Variants in OR5T1 observed in about 807,000 individuals in gnomAD.
The protein encoded by OR5T1 is olfactory receptor family 5 subfamily T member 1, also known as olfactory receptor 5T1.
Under a neutral mutation model 10.1 loss-of-function variants are expected in OR5T1, and 14 were observed. The ratio of observed to expected loss-of-function variants is 1.39; its 90% CI spans 0.92 to 2.18. The LOEUF (loss-of-function observed/expected upper bound fraction) is 2.18, where lower values mean the gene tolerates loss of function less well. Among genes scored for constraint, OR5T1 ranks in the 30% most tolerant of loss-of-function variants. The pLI, the probability that OR5T1 is intolerant of heterozygous loss-of-function variation, is 0.00. For missense variants in OR5T1, 461 were observed against 383.9 expected (o/e 1.20, Z -1.68); for synonymous variants, 166 against 141.2 (o/e 1.18, Z -1.24).
At position 56,276,584 on chromosome 11, in the gene OR5T1, T is replaced by C; in HGVS notation, c.946T>C (p.Leu316=). The change falls in exon 3 of 3, where the codon TTG becomes CTG. Residue 316 remains leucine (L), a synonymous_variant. Transcript: ENST00000641665. ...AGATGTAAAGGAGGCAATCAAAAGA[T>C]TGCTTGTGAGAAATTGGTTCATAAA... ...NKDVKEAIKR[L]LVRNWFINKL is the part of the protein sequence containing the mutation. 2 of 1,610,932 alleles carry C rather than the reference T, an allele frequency of 1.2e-6. No homozygotes were observed. The highest frequency in any genetic ancestry group is 1.7e-6 in the Non-Finnish European group (2 of 1,178,696).
Position 56,276,751 on chromosome 11 carries a change from A to AAATATTT in OR5T1, c.*132_*133insAATATTT. 1.5e-6 allele frequency: 1 copy of AAATATTT among 651,454 alleles called. No homozygotes were observed. The highest frequency in any genetic ancestry group is 2.7e-5 in the East Asian group (1 of 36,680). The allele number at this position is 651,454 out of a possible 1,614,324, so 40.4% of individuals were successfully genotyped here. ...CTTCTAGAATATTTTCAAATAAAGC[A>AAATATTT]TCAATCAGCCTACTAATTCACCATT... On this transcript the variant is annotated 3_prime_UTR_variant, in exon 3 of 3. Coordinates refer to ENST00000641665, the MANE Select transcript of OR5T1 (RefSeq NM_001004745.2).
At position 56,275,897 on chromosome 11, in the gene OR5T1, A is replaced by G. The variant is rs1243846581; in HGVS notation, c.259A>G (p.Thr87Ala). Residue 87 changes from threonine (T) to alanine (A), a missense_variant, in exon 3 of 3, where the codon ACA becomes GCA. Coordinates refer to ENST00000641665, the MANE Select transcript of OR5T1 (RefSeq NM_001004745.2). ...ATCATTCTTGGATGTCTGCTATTCTACAGTTGTCACTCCAAAAATGTTGGT... is the reference window on the plus strand; with the variant it reads ...ATCATTCTTGGATGTCTGCTATTCTGCAGTTGTCACTCCAAAAATGTTGGT... ...VLSFLDVCYS[T>A]VVTPKMLVNF... 1 of 1,614,096 alleles carries G rather than the reference A, an allele frequency of 6.2e-7. No homozygotes were observed. Among genetic ancestry groups the G allele is most frequent in the Non-Finnish European group, 8.5e-7 (1 of 1,180,026 alleles).
rs1853925729 is a variant in OR5T1 at position 56,275,535 on chromosome 11, C to G, written c.-104C>G. The stretch of plus-strand genomic sequence containing the variant: ...TTATCACCACCTGTGCATTTGCTGA[C>G]AAGGATTTCATCTTGCTTTTCCAAG... On this transcript the variant is annotated 5_prime_UTR_variant, in exon 3 of 3. Coordinates refer to ENST00000641665, the MANE Select transcript of OR5T1 (RefSeq NM_001004745.2). The G allele has an allele frequency of 2.2e-6, 2 of 890,244 alleles. No homozygotes were observed. The highest frequency in any genetic ancestry group is 3.4e-5 in the African/African-American group (2 of 59,282). 55.1% of individuals were successfully genotyped at this position (890,244 alleles called of 1,614,324 possible).
In OR5T1 at chr11:56,276,338, C is replaced by A. The variant is rs766718470; in HGVS notation, c.700C>A (p.Leu234Met). The change falls in exon 3 of 3, where the codon CTG (leucine) becomes ATG (methionine). Residue 234 changes from leucine (L) to methionine (M), a missense_variant. Leu to Met is a conservative substitution (Grantham distance 15, BLOSUM62 2). Transcript: ENST00000641665. Reference protein sequence around the residue: ...LIVLISYGFILLAILKMQSAE... With the variant: ...LIVLISYGFIMLAILKMQSAE... ...TGTCCTGATCTCCTATGGTTTTATT[C>A]TGTTGGCCATTCTGAAGATGCAGTC... The A allele has an allele frequency of 1.2e-6, 2 of 1,614,040 alleles. No homozygotes were observed. The highest frequency in any genetic ancestry group is 1.7e-6 in the Non-Finnish European group (2 of 1,179,996).
chr11:56,275,860 T>C lies in OR5T1; in HGVS notation c.222T>C (p.Phe74=). 6.2e-7 allele frequency: 1 copy of C among 1,614,202 alleles called. No individual in the cohort carries two copies. Among genetic ancestry groups the C allele is most frequent in the Non-Finnish European group, 8.5e-7 (1 of 1,180,016 alleles). The change falls in exon 3 of 3, where the codon TTT becomes TTC. Residue 74 remains phenylalanine (F), a synonymous_variant. Transcript: ENST00000641665. ...GGCTTCACAGCCCAATGTACTATTT[T>C]CTTGGTGTTTTATCATTCTTGGATG... The part of the protein sequence containing the change: ...DFWLHSPMYY[F]LGVLSFLDVC...
Position 56,275,898 on chromosome 11 carries a change from C to T in OR5T1, c.260C>T (p.Thr87Ile), listed in dbSNP as rs1027539632. The T allele has an allele frequency of 4.3e-6, 7 of 1,614,184 alleles. No homozygotes were observed. The highest frequency in any genetic ancestry group is 1.3e-5 in the African/African-American group (1 of 75,066). ...TCATTCTTGGATGTCTGCTATTCTACAGTTGTCACTCCAAAAATGTTGGTC... is the reference window on the plus strand; with the variant it reads ...TCATTCTTGGATGTCTGCTATTCTATAGTTGTCACTCCAAAAATGTTGGTC... Reference protein sequence around the residue: ...VLSFLDVCYSTVVTPKMLVNF... With the variant: ...VLSFLDVCYSIVVTPKMLVNF... Residue 87 changes from threonine to isoleucine, a missense_variant, in exon 3 of 3, where the codon ACA becomes ATA. Thr to Ile is a moderately conservative substitution (Grantham distance 89). Coordinates refer to ENST00000641665, the MANE Select transcript of OR5T1 (RefSeq NM_001004745.2).
Position 56,275,806 on chromosome 11 carries a change from G to T in OR5T1, c.168G>T (p.Gly56=). The stretch of plus-strand genomic sequence containing the variant: ...TATTCACTCTAATAGGCAATTTAGG[G>T]CTGGTTGTACCGATCATTGGGGATT... ...IYLFTLIGNL[G]LVVPIIGDFW... Residue 56 remains glycine, a synonymous_variant, in exon 3 of 3, where the codon GGG becomes GGT. Coordinates refer to ENST00000641665, the MANE Select transcript of OR5T1 (RefSeq NM_001004745.2). 1 of 1,613,262 alleles carries T rather than the reference G, an allele frequency of 6.2e-7. No homozygotes were observed. Among genetic ancestry groups the T allele is most frequent in the Non-Finnish European group, 8.5e-7 (1 of 1,179,350 alleles).
rs1425775485 is a variant in OR5T1 at position 56,276,637 on chromosome 11, G to T, written c.*18G>T. 1.9e-6 allele frequency: 3 copies of T among 1,570,706 alleles called. No individual in the cohort carries two copies. Among genetic ancestry groups the T allele is most frequent in the Admixed American group, 3.5e-5 (2 of 57,396 alleles). On this transcript the variant is annotated 3_prime_UTR_variant, in exon 3 of 3. Coordinates refer to ENST00000641665, the MANE Select transcript of OR5T1 (RefSeq NM_001004745.2). The stretch of plus-strand genomic sequence containing the variant: ...AGTTATAGTTTTAAAATTGAGTAAA[G>T]TTGCAAATAATATTGGGTGTCAGTC...
Position 56,276,735 on chromosome 11 carries a change from TATTTTCAAATAAA to T in OR5T1, c.*117_*129del. 1 of 703,782 alleles carries T rather than the reference TATTTTCAAATAAA, an allele frequency of 1.4e-6. No homozygotes were observed. The allele number at this position is 703,782 out of a possible 1,614,324, so 43.6% of individuals were successfully genotyped here. A position where few individuals can be genotyped will look rare whatever the true frequency, so the allele number is the denominator to read the frequency against. On this transcript the variant is annotated 3_prime_UTR_variant, in exon 3 of 3. Transcript: ENST00000641665. ...TTAACAGTGCTTGTAACTTCTAGAA[TATTTTCAAATAAA>T]GCATCAATCAGCCTACTAATTCACC...
chr11:56,275,672 A>G lies in OR5T1; in HGVS notation c.34A>G (p.Lys12Glu). 1 of 1,605,914 alleles carries G rather than the reference A, an allele frequency of 6.2e-7. No individual in the cohort carries two copies. Among genetic ancestry groups the G allele is most frequent in the African/African-American group, 1.3e-5 (1 of 74,618 alleles). The change falls in exon 3 of 3, where the codon AAG becomes GAG. Residue 12 changes from lysine to glutamate, a missense_variant. Lys to Glu is a moderately conservative substitution (Grantham distance 56). Transcript: ENST00000641665. ...GTTGCCTTCAGATATGGATCTATAC[A>G]AGCTTCAATTAAACAATTTTACTGA... ...SGLPSDMDLYKLQLNNFTEVT... is the reference protein window; with the variant it reads ...SGLPSDMDLYELQLNNFTEVT...
rs1565096507 is a variant in OR5T1, at chr11:56,276,371, G to A, written c.733G>A (p.Gly245Arg). The change falls in exon 3 of 3, where the codon GGG (glycine) becomes AGG (arginine). Residue 245 changes from glycine (G) to arginine (R), a missense_variant. Gly to Arg is a moderately radical substitution (Grantham distance 125). Coordinates refer to ENST00000641665, the MANE Select transcript of OR5T1 (RefSeq NM_001004745.2). ...LAILKMQSAE[G>R]RRKVFSTCGA... The stretch of plus-strand genomic sequence containing the variant: ...CATTCTGAAGATGCAGTCTGCTGAA[G>A]GGAGGAGAAAAGTCTTCTCTACATG... 4.3e-6 allele frequency: 7 copies of A among 1,614,114 alleles called. No homozygotes were observed. The highest frequency in any genetic ancestry group is 5.9e-6 in the Non-Finnish European group (7 of 1,180,016).
rs1853940363 is a variant in OR5T1, at chr11:56,276,204, T to C, written c.566T>C (p.Val189Ala). 6.2e-7 allele frequency: 1 copy of C among 1,614,040 alleles called. No individual in the cohort carries two copies. Among genetic ancestry groups the C allele is most frequent in the African/African-American group, 1.3e-5 (1 of 74,932 alleles). ...SFCGSNEIRH[V>A]FCNMPPLLAI... is the part of the protein sequence containing the mutation. Reference sequence around the variant, plus strand: ...TGTGGATCCAATGAAATTAGGCATGTCTTTTGTAATATGCCTCCTCTGCTT... The same window carrying C: ...TGTGGATCCAATGAAATTAGGCATGCCTTTTGTAATATGCCTCCTCTGCTT... The change falls in exon 3 of 3, where the codon GTC (valine) becomes GCC (alanine). Residue 189 changes from valine (V) to alanine (A), a missense_variant. By Grantham distance (64) the Val-to-Ala change is moderately conservative. Transcript: ENST00000641665.
chr11:56,275,841 A>G lies in OR5T1; in HGVS notation c.203A>G (p.His68Arg), dbSNP rs868695619. 2 of 1,614,084 alleles carry G rather than the reference A, an allele frequency of 1.2e-6. No homozygotes were observed. The highest frequency in any genetic ancestry group is 3.3e-4 in the Middle Eastern group (2 of 6,060). The stretch of plus-strand genomic sequence containing the variant: ...CCGATCATTGGGGATTTCTGGCTTC[A>G]CAGCCCAATGTACTATTTTCTTGGT... ...VVPIIGDFWL[H>R]SPMYYFLGVL... The change falls in exon 3 of 3, where the codon CAC becomes CGC. Residue 68 changes from histidine to arginine, a missense_variant. Transcript: ENST00000641665.
rs1371070903 is a variant in OR5T1 at position 56,275,594 on chromosome 11, A to T, written c.-45A>T. 3 of 1,470,314 alleles carry T rather than the reference A, an allele frequency of 2.0e-6. No individual in the cohort carries two copies. The allele number at this position is 1,470,314 out of a possible 1,614,324, so 91.1% of individuals were successfully genotyped here. On this transcript the variant is annotated 5_prime_UTR_variant, in exon 3 of 3. Transcript: ENST00000641665. ...ATGAGGATATAATTGGATAAACTTA[A>T]TTTTCACAGGCTGTTGCATTTAGTA...
In OR5T1 at chr11:56,276,688, GAAGAAA is replaced by G; in HGVS notation, c.*71_*76del. 8.7e-7 allele frequency: 1 copy of G among 1,145,880 alleles called. No individual in the cohort carries two copies. Among genetic ancestry groups the G allele is most frequent in the Non-Finnish European group, 1.2e-6 (1 of 800,892 alleles). The allele number at this position is 1,145,880 out of a possible 1,614,324, so 71.0% of individuals were successfully genotyped here. A position where few individuals can be genotyped will look rare whatever the true frequency, so the allele number is the denominator to read the frequency against. ...CACATCTCTATGGTCAGAAAGTAGA[GAAGAAA>G]ATGTGTTTCTTTTAGTTAACAGTGC... On this transcript the variant is annotated 3_prime_UTR_variant, in exon 3 of 3. Transcript: ENST00000641665.
Position 56,275,903 on chromosome 11 carries a change from G to T in OR5T1, c.265G>T (p.Val89Phe), listed in dbSNP as rs1853932191. The change falls in exon 3 of 3, where the codon GTC becomes TTC. Residue 89 changes from valine (V) to phenylalanine (F), a missense_variant. Val to Phe is a conservative substitution (Grantham distance 50). Transcript: ENST00000641665. Reference protein sequence around the residue: ...SFLDVCYSTVVTPKMLVNFLA... With the variant: ...SFLDVCYSTVFTPKMLVNFLA... ...CTTGGATGTCTGCTATTCTACAGTT[G>T]TCACTCCAAAAATGTTGGTCAATTT... is the stretch of plus-strand genomic sequence containing the variant. 1.9e-6 allele frequency: 3 copies of T among 1,614,066 alleles called. No individual in the cohort carries two copies. The highest frequency in any genetic ancestry group is 2.5e-6 in the Non-Finnish European group (3 of 1,180,008).
chr11:56,276,096 A>G lies in OR5T1; in HGVS notation c.458A>G (p.Tyr153Cys), dbSNP rs765850653. The change falls in exon 3 of 3, where the codon TAT becomes TGT. Residue 153 changes from tyrosine (Y) to cysteine (C), a missense_variant. By Grantham distance (194) the Tyr-to-Cys change is radical. Coordinates refer to ENST00000641665, the MANE Select transcript of OR5T1 (RefSeq NM_001004745.2). Reference protein sequence around the residue: ...LYSVSMSPRVYVPLITASYVA... With the variant: ...LYSVSMSPRVCVPLITASYVA... ...TCAGTGAGCATGTCACCCAGAGTCTATGTGCCACTCATCACTGCTTCCTAT... is the reference window on the plus strand; with the variant it reads ...TCAGTGAGCATGTCACCCAGAGTCTGTGTGCCACTCATCACTGCTTCCTAT... 2 of 1,614,122 alleles carry G rather than the reference A, an allele frequency of 1.2e-6. No homozygotes were observed. The highest frequency in any genetic ancestry group is 1.7e-5 in the Admixed American group (1 of 60,018).
chr11:56,275,966 G>T lies in OR5T1; in HGVS notation c.328G>T (p.Ala110Ser). ...TAAATCTATTTCATTTCTTGGATGT[G>T]CAACACAGATGTTTCTTGCTTGTAC... ...KNKSISFLGC[A>S]TQMFLACTFG... Residue 110 changes from alanine to serine, a missense_variant, in exon 3 of 3, where the codon GCA (alanine) becomes TCA (serine). Ala to Ser is a moderately conservative substitution (Grantham distance 99). Transcript: ENST00000641665. 1 of 1,614,160 alleles carries T rather than the reference G, an allele frequency of 6.2e-7. No individual in the cohort carries two copies.
At position 56,276,209 on chromosome 11, in the gene OR5T1, T is replaced by G. The variant is rs375755406; in HGVS notation, c.571T>G (p.Cys191Gly). 1 of 1,613,996 alleles carries G rather than the reference T, an allele frequency of 6.2e-7. No homozygotes were observed. Reference protein sequence around the residue: ...CGSNEIRHVFCNMPPLLAISC... With the variant: ...CGSNEIRHVFGNMPPLLAISC... ...ATCCAATGAAATTAGGCATGTCTTTTGTAATATGCCTCCTCTGCTTGCTAT... is the reference window on the plus strand; with the variant it reads ...ATCCAATGAAATTAGGCATGTCTTTGGTAATATGCCTCCTCTGCTTGCTAT... Residue 191 changes from cysteine to glycine, a missense_variant, in exon 3 of 3, where the codon TGT (cysteine) becomes GGT (glycine). Transcript: ENST00000641665.
Sources: gnomAD v4.1 joint callset for allele counts on GRCh38, gnomAD v4.1.1 for gene constraint, MANE v1.5 for transcripts, NCBI Gene and HGNC (gene_info 2026-07-23, HGNC 2026-07-21) for gene names.